The following KCNH3 variants were observed in gnomAD, a reference collection of about 807,000 sequenced individuals.
KCNH3 encodes potassium voltage-gated channel subfamily H member 3, also known as voltage-gated inwardly rectifying potassium channel KCNH3.
In KCNH3, 36 loss-of-function variants were observed where a neutral mutation model predicts 95.6. The ratio of observed to expected loss-of-function variants is 0.38; its 90% CI spans 0.29 to 0.50. The LOEUF is 0.50. Ranked by LOEUF, KCNH3 falls within the 20% of genes least tolerant of loss-of-function variation. KCNH3 has a pLI of 0.95. For missense variants in KCNH3, 1,030 were observed against 1,484.1 expected (o/e 0.69, Z 5.03); for synonymous variants, 620 against 646.3 (o/e 0.96, Z 0.62).
At chr12:49,555,188 C>T (rs1222648515) in intron 11 of KCNH3, among the ~76,000 whole-genome samples, 1 of 151,748 alleles carries the variant, frequency 6.6e-6, no homozygotes, top group Non-Finnish European at 1.5e-5. Flanking sequence ...CGCCTGTAAT[C>T]CCAGCACTTT....
In KCNH3 at chr12:49,539,450, A is replaced by C; in HGVS notation, c.34A>C (p.Asn12His). ...CATGCGGGGCCTCCTGGCGCCGCAG[A>C]ACACCTTCCTGGACACCATCGCTAC... is the stretch of plus-strand genomic sequence containing the variant. ...PAMRGLLAPQ[N>H]TFLDTIATRF... is the part of the protein sequence containing the mutation. The change falls in exon 1 of 15, where the codon AAC becomes CAC. Residue 12 changes from asparagine (N) to histidine (H), a missense_variant. By Grantham distance (68) the Asn-to-His change is moderately conservative. Coordinates refer to ENST00000257981, the MANE Select transcript of KCNH3 (RefSeq NM_012284.3). The surrounding 1 kb of genome is among the most constrained non-coding windows in gnomAD (Gnocchi z 6.7). 1.9e-6 allele frequency: 3 copies of C among 1,575,206 alleles called. No individual in the cohort carries two copies. Among genetic ancestry groups the C allele is most frequent in the Non-Finnish European group, 2.6e-6 (3 of 1,163,556 alleles).
In KCNH3 at chr12:49,549,220, G is replaced by A. The variant is rs771056930; in HGVS notation, c.1468+47G>A. On this transcript the variant is annotated intron_variant, in intron 8 of 14. Transcript: ENST00000257981. Reference sequence around the variant, plus strand: ...TTCCCGGGGCCACTCCCAGACTTCTGCCCGCAGGCGGCGCCGTCCCACTCC... The same window carrying A: ...TTCCCGGGGCCACTCCCAGACTTCTACCCGCAGGCGGCGCCGTCCCACTCC... 6 of 1,534,802 alleles carry A rather than the reference G, an allele frequency of 3.9e-6. No homozygotes were observed. The Admixed American group carries it at 9.8e-5, about 25-fold the overall frequency.
rs199565947 is a variant in KCNH3 at position 49,557,459 on chromosome 12, C to T, written c.2758C>T (p.Arg920Trp). The T allele has an allele frequency of 7.4e-5, 119 of 1,610,566 alleles. 2 individuals carry two copies. The highest frequency in any genetic ancestry group is 3.5e-4 in the Admixed American group (21 of 59,812). The change falls in exon 15 of 15, where the codon CGG becomes TGG. Residue 920 changes from arginine to tryptophan, a missense_variant. Physicochemically the swap from Arg to Trp is moderately radical, Grantham distance 101 (BLOSUM62 -3). Transcript: ENST00000257981. ...GCCCCACAGGGAGGGTCCGTGCCCT[C>T]GGGCATCGGGAGAGGGGCCGTGCCC... is the stretch of plus-strand genomic sequence containing the variant. ...LAPHREGPCP[R>W]ASGEGPCPAS... is the part of the protein sequence containing the mutation.
Position 49,539,586 on chromosome 12 carries a change from A to G in KCNH3, c.76+94A>G, listed in dbSNP as rs1279673510. 1.2e-5 allele frequency: 13 copies of G among 1,124,976 alleles called. No individual in the cohort carries two copies. Among genetic ancestry groups the G allele is most frequent in the Non-Finnish European group, 1.7e-5 (13 of 787,838 alleles). The allele number at this position is 1,124,976 out of a possible 1,614,324, so 69.7% of individuals were successfully genotyped here. A position where few individuals can be genotyped will look rare whatever the true frequency, so the allele number is the denominator to read the frequency against. On this transcript the variant is annotated intron_variant, in intron 1 of 14. Coordinates refer to ENST00000257981, the MANE Select transcript of KCNH3 (RefSeq NM_012284.3). This position sits in a 1 kb window ranked among gnomAD's most constrained non-coding sequence, Gnocchi z 6.7. ...ACCCCCAGCAGCCCAGCTTGGCGCC[A>G]GCCTATTCTCACCCTCTCCTCCCTA... is the stretch of plus-strand genomic sequence containing the variant.
chr12:49,549,178 G>C lies in KCNH3; in HGVS notation c.1468+5G>C. On this transcript the variant is annotated splice_donor_5th_base_variant and intron_variant, in intron 8 of 14. Coordinates refer to ENST00000257981, the MANE Select transcript of KCNH3 (RefSeq NM_012284.3). ...TCTGCACCATGCTCATCGGCGGTGA[G>C]CCCGGCCGCGCGCGTCTTCCCGGGG... 6.4e-7 allele frequency: 1 copy of C among 1,573,120 alleles called. No individual in the cohort carries two copies. The highest frequency in any genetic ancestry group is 8.6e-7 in the Non-Finnish European group (1 of 1,157,426).
Position 49,554,556 on chromosome 12 carries a change from T to C in KCNH3, c.2136+2T>C. ...GGTGCTGGGGGAGGCTCTGCAGAGG[T>C]GAGTGTGCTGAGTATGTGCTTGGAG... On this transcript the variant is annotated splice_donor_variant, in intron 11 of 14. Coordinates refer to ENST00000257981, the MANE Select transcript of KCNH3 (RefSeq NM_012284.3). LOFTEE classifies it high-confidence loss of function. 1 of 1,607,450 alleles carries C rather than the reference T, an allele frequency of 6.2e-7. No individual in the cohort carries two copies. Among genetic ancestry groups the C allele is most frequent in the Non-Finnish European group, 8.5e-7 (1 of 1,175,628 alleles).
chr12:49,544,431 G>GAGTGTGAGTGCC, intron 7 of KCNH3, 49 bp downstream of exon 7: 1 of 1,576,904 alleles, frequency 6.3e-7, no homozygotes, highest in Non-Finnish European at 8.7e-7. Context: ...TGTGTCAGAG[G>GAGTGTGAGTGCC]AGTGTGAGTG....
Position 49,539,295 on chromosome 12 carries a change from C to T in KCNH3, c.-122C>T, listed in dbSNP as rs547340351. On this transcript the variant is annotated 5_prime_UTR_variant, in exon 1 of 15. Coordinates refer to ENST00000257981, the MANE Select transcript of KCNH3 (RefSeq NM_012284.3). This position sits in a 1 kb window ranked among gnomAD's most constrained non-coding sequence, Gnocchi z 6.7. ...ACCCCGGATCCCGGTCTGCGCATTG[C>T]CCCCCGACGGCTGCGCTAGGGAGCG... The T allele has an allele frequency of 3.9e-3, 1,670 of 433,074 alleles. 4 individuals carry two copies. Among genetic ancestry groups the T allele is most frequent in the Non-Finnish European group, 5.1e-3 (1,422 of 276,404 alleles). The allele number at this position is 433,074 out of a possible 1,614,324, so 26.8% of individuals were successfully genotyped here. A position where few individuals can be genotyped will look rare whatever the true frequency, so the allele number is the denominator to read the frequency against.
rs1447194909 is a variant in KCNH3 at position 49,548,882 on chromosome 12, G to C, written c.1190-13G>C. On this transcript the variant is annotated splice_polypyrimidine_tract_variant and intron_variant, in intron 7 of 14. Transcript: ENST00000257981. ...TCTTCCTGCCTGCTCAGGCCCTGCT[G>C]TTCCCCCCTCAGGCTGGCTGCAGGA... 6.4e-7 allele frequency: 1 copy of C among 1,553,270 alleles called. No individual in the cohort carries two copies. Among genetic ancestry groups the C allele is most frequent in the Non-Finnish European group, 8.7e-7 (1 of 1,149,786 alleles).
At position 49,557,187 on chromosome 12, in the gene KCNH3, C is replaced by A. The variant is rs377373409; in HGVS notation, c.2580C>A (p.Ser860Arg). The change falls in exon 14 of 15, where the codon AGC (serine) becomes AGA (arginine). Residue 860 changes from serine to arginine, a missense_variant. By Grantham distance (110) the Ser-to-Arg change is moderately radical. Coordinates refer to ENST00000257981, the MANE Select transcript of KCNH3 (RefSeq NM_012284.3). ...CSSSPSPGPESGLLTVPHGPS... is the reference protein window; with the variant it reads ...CSSSPSPGPERGLLTVPHGPS... ...ACCCCATCCTACTACCCACAGAGAG[C>A]GGCCTGCTCACTGTTCCCCATGGGC... The A allele has an allele frequency of 6.2e-7, 1 of 1,613,962 alleles. No homozygotes were observed. Among genetic ancestry groups the A allele is most frequent in the African/African-American group, 1.3e-5 (1 of 75,030 alleles).
chr12:49,541,901 G>A, intron 3 of KCNH3, 137 bp downstream of exon 3: 1 of 854,286 alleles, frequency 1.2e-6, no homozygotes. Context: ...TGAGAGGCCT[G>A]TGCTGCTCTC....
Position 49,554,402 on chromosome 12 carries a change from G to A in KCNH3, c.1984G>A (p.Val662Met). The A allele has an allele frequency of 6.2e-7, 1 of 1,613,256 alleles. No individual in the cohort carries two copies. The highest frequency in any genetic ancestry group is 8.5e-7 in the Non-Finnish European group (1 of 1,180,048). ...REQVVKANADVKGLTYCVLQC... is the reference protein window; with the variant it reads ...REQVVKANADMKGLTYCVLQC... ...GCAGGTGGTAAAGGCCAATGCCGAC[G>A]TGAAGGGGCTGACGTACTGCGTCCT... The change falls in exon 11 of 15, where the codon GTG becomes ATG. Residue 662 changes from valine (V) to methionine (M), a missense_variant. By Grantham distance (21) the Val-to-Met change is conservative. Coordinates refer to ENST00000257981, the MANE Select transcript of KCNH3 (RefSeq NM_012284.3).
rs1402082079 is a variant in KCNH3, at chr12:49,543,346, G to C, written c.651G>C (p.Leu217=). ...VAAIRKSPFI[L]LHCGALRATW... ...CCATCCGGAAGTCGCCCTTCATCCT[G>C]TTGCACTGTGGGGCACTGAGAGCCA... The change falls in exon 5 of 15, where the codon CTG becomes CTC. Residue 217 remains leucine (L), a synonymous_variant. Coordinates refer to ENST00000257981, the MANE Select transcript of KCNH3 (RefSeq NM_012284.3). 2 of 1,613,724 alleles carry C rather than the reference G, an allele frequency of 1.2e-6. No individual in the cohort carries two copies. The highest frequency in any genetic ancestry group is 4.5e-5 in the East Asian group (2 of 44,882).
chr12:49,543,261 C>A lies in KCNH3; in HGVS notation c.580-14C>A. The A allele has an allele frequency of 6.2e-7, 1 of 1,612,492 alleles. No homozygotes were observed. The highest frequency in any genetic ancestry group is 1.1e-5 in the South Asian group (1 of 90,962). On this transcript the variant is annotated splice_polypyrimidine_tract_variant and intron_variant, in intron 4 of 14. Coordinates refer to ENST00000257981, the MANE Select transcript of KCNH3 (RefSeq NM_012284.3). ...TTCTTTCCTCTCTGCCTGGACCTGCCCTGCCTCACTCAGGGGGTGTTTGGG... is the reference window on the plus strand; with the variant it reads ...TTCTTTCCTCTCTGCCTGGACCTGCACTGCCTCACTCAGGGGGTGTTTGGG...
intron 7 of KCNH3, among the ~76,000 whole-genome samples, chr12:49,545,559 T>C (rs1018688075): frequency 1.3e-5 from 2 of 152,044 alleles, no homozygotes; most frequent in East Asian, 1.9e-4. Context: ...CGCCGGCTAA[T>C]TTTTTGTATT....
chr12:49,541,840 T>C, intron 3 of KCNH3, 76 bp downstream of exon 3: 1 of 1,533,400 alleles, frequency 6.5e-7, no homozygotes, highest in Non-Finnish European at 8.9e-7. Flanking sequence ...CCAGTCTGAG[T>C]ACGGGGGTCC....
chr12:49,542,609 C>A, intron 3 of KCNH3, 97 bp from the exon 4 acceptor site: 2 of 1,382,014 alleles, frequency 1.4e-6, no homozygotes, highest in Admixed American at 2.7e-5. Flanking sequence ...ATGAGCCAGA[C>A]CAGTCCATGG....
rs748171229 is a variant in KCNH3, at chr12:49,541,746, G to A, written c.427G>A (p.Asp143Asn). Residue 143 changes from aspartate (D) to asparagine (N), a missense_variant, in exon 3 of 15, where the codon GAC (aspartate) becomes AAC (asparagine). Transcript: ENST00000257981. The part of the protein sequence containing the change: ...ISETKNRGGP[D>N]RWKETGGGRR... ...CGAAACCAAGAACCGAGGGGGCCCC[G>A]ACAGATGGAAGGAGACAGGTAGGTG... 1.5e-5 allele frequency: 25 copies of A among 1,613,994 alleles called. No individual in the cohort carries two copies. Among genetic ancestry groups the A allele is most frequent in the South Asian group, 4.4e-5 (4 of 91,090 alleles).
chr12:49,543,866 T>C, intron 5 of KCNH3, 49 bp from the exon 6 acceptor site: 1 of 1,564,104 alleles, frequency 6.4e-7, no homozygotes, highest in Non-Finnish European at 8.7e-7. Context: ...CAGGCAAGAG[T>C]GGCTGCCCCC....
Sources: gnomAD v4.1 joint callset for allele counts (sites outside exome capture counted in the v4.1 genomes callset) on GRCh38, gnomAD v4.1.1 for gene constraint, Gnocchi (gnomAD v3.1) non-coding constraint, MANE v1.5 for transcripts, NCBI Gene and HGNC (gene_info 2026-07-23, HGNC 2026-07-21) for gene names.